The following ZNF618 variants were observed in gnomAD, a reference collection of about 807,000 sequenced individuals.
ZNF618 encodes neural precursor cell expressed, developmentally down-regulated 10.
Under a neutral mutation model 103.0 loss-of-function variants are expected in ZNF618, and 34 were observed. The ratio of observed to expected loss-of-function variants is 0.33; its 90% CI spans 0.25 to 0.44. The LOEUF is 0.44. Ranked by LOEUF, ZNF618 falls within the 20% of genes least tolerant of loss-of-function variation. The pLI, the probability that ZNF618 is intolerant of heterozygous loss-of-function variation, is 1.00. For synonymous variants in ZNF618, 551 were observed against 542.2 expected (o/e 1.02, Z -0.23); for missense variants, 1,059 against 1,295.4 (o/e 0.82, Z 2.80).
At chr9:114,000,778 C>G (rs1841119396) in intron 4 of ZNF618, among the ~76,000 whole-genome samples, 2 of 152,224 alleles carry the variant, frequency 1.3e-5, no homozygotes, top group Admixed American at 1.3e-4. Context: ...ACTCTTCATG[C>G]AAACTCAGTC....
rs557797088 is a variant in ZNF618 at position 113,924,936 on chromosome 9, G to A, written c.34-44181G>A. 7.9e-5 allele frequency among the ~76,000 whole-genome samples: 12 copies of A among 151,906 alleles called. No homozygotes were observed. The East Asian group carries it at 2.1e-3, about 27-fold the overall frequency. ...TAATCTCGTTAGGGTGCTCTTTTGG[G>A]CCTAAAATGTGACTATCTTGGTGAA... is the stretch of plus-strand genomic sequence containing the variant. On this transcript the variant is annotated intron_variant, in intron 1 of 14. Coordinates refer to ENST00000374126, the MANE Select transcript of ZNF618 (RefSeq NM_001318042.2).
intron 13 of ZNF618, among the ~76,000 whole-genome samples, chr9:114,044,579 A>G (rs576023542): frequency 6.6e-6 from 1 of 152,298 alleles, no homozygotes; most frequent in Non-Finnish European, 1.5e-5. Context: ...TCTGTGAAGA[A>G]TAATGATGTT....
intron 2 of ZNF618, among the ~76,000 whole-genome samples, chr9:113,974,751 C>T (rs2132968786): frequency 6.6e-6 from 1 of 152,256 alleles, no homozygotes; most frequent in South Asian, 2.1e-4. Flanking sequence ...GCACCCCCTG[C>T]CTGGTCTGTC....
At chr9:113,988,005 G>A (rs1839655585) in intron 2 of ZNF618, among the ~76,000 whole-genome samples, 1 of 152,178 alleles carries the variant, frequency 6.6e-6, no homozygotes, top group Admixed American at 6.5e-5. Flanking sequence ...GTTATGATAA[G>A]TGCAAACAAA....
intron 4 of ZNF618, among the ~76,000 whole-genome samples, chr9:114,000,270 T>C (rs540948278): frequency 6.6e-6 from 1 of 152,102 alleles, no homozygotes; most frequent in Admixed American, 6.5e-5. Context: ...CAGTCATGAA[T>C]TGTAGGAATC....
intron 1 of ZNF618, among the ~76,000 whole-genome samples, chr9:113,951,519 A>ATGTGTATATG (rs1564207782): frequency 2.2e-4 from 14 of 62,616 alleles, no homozygotes; most frequent in South Asian, 5.6e-4. Flanking sequence ...ATGTGTGTAT[A>ATGTGTATATG]TGTACACATA....
intron 1 of ZNF618, among the ~76,000 whole-genome samples, chr9:113,901,656 G>A (rs1158669108): frequency 6.6e-6 from 1 of 152,160 alleles, no homozygotes; most frequent in Non-Finnish European, 1.5e-5. Flanking sequence ...CAGGGGACAG[G>A]GTTATCACGG....
At chr9:113,939,381 T>C (rs760559181) in intron 1 of ZNF618, among the ~76,000 whole-genome samples, 1 of 152,164 alleles carries the variant, frequency 6.6e-6, no homozygotes, top group Non-Finnish European at 1.5e-5. Context: ...TGTAATTTAG[T>C]GCCATATTTT....
Position 114,054,504 on chromosome 9 carries a change from A to G in ZNF618, c.*4337A>G, listed in dbSNP as rs1846339468. ...AGGAGGGCTCCTAACAAGGCCGATG[A>G]TTTAGACAGAACAAGAGACTAAGTA... On this transcript the variant is annotated 3_prime_UTR_variant, in exon 15 of 15. Coordinates refer to ENST00000374126, the MANE Select transcript of ZNF618 (RefSeq NM_001318042.2). The G allele has an allele frequency of 6.6e-6, 1 of 152,550 alleles. No individual in the cohort carries two copies. 9.4% of individuals were successfully genotyped at this position (152,550 alleles called of 1,614,324 possible).
intron 10 of ZNF618, among the ~76,000 whole-genome samples, chr9:114,027,181 CAGAA>C (rs1300295339): frequency 6.6e-6 from 1 of 152,182 alleles, no homozygotes; most frequent in Non-Finnish European, 1.5e-5. Context: ...GCCCTCGGCT[CAGAA>C]AGAGAGACAG....
rs1364829192 is a variant in ZNF618, at chr9:114,008,388, T to C, written c.676+9T>C. On this transcript the variant is annotated intron_variant, in intron 8 of 14. Coordinates refer to ENST00000374126, the MANE Select transcript of ZNF618 (RefSeq NM_001318042.2). ...CCCTGAGAACCGGGCAGGTAAGTCC[T>C]TGGTGTCTGCTTGTCACCTCCCCTG... The C allele has an allele frequency of 1.2e-6, 2 of 1,613,968 alleles. No individual in the cohort carries two copies. The highest frequency in any genetic ancestry group is 2.2e-5 in the East Asian group (1 of 44,882).
At chr9:113,899,347 G>C (rs987276226) in intron 1 of ZNF618, among the ~76,000 whole-genome samples, 4 of 152,020 alleles carry the variant, frequency 2.6e-5, no homozygotes, top group African/African-American at 9.7e-5. Flanking sequence ...CTTTCTGTCT[G>C]TGTGACTTAG....
chr9:114,009,452 A>C (rs887146503), intron 9 of ZNF618, among the ~76,000 whole-genome samples: 5 of 152,082 alleles, frequency 3.3e-5, no homozygotes, highest in Non-Finnish European at 5.9e-5. Flanking sequence ...TCCAATTTGC[A>C]TTTTAGGAAG....
At chr9:113,884,242 A>G (rs1345226967) in intron 1 of ZNF618, among the ~76,000 whole-genome samples, 1 of 152,162 alleles carries the variant, frequency 6.6e-6, no homozygotes, top group African/African-American at 2.4e-5. Flanking sequence ...GACATTTCCA[A>G]GGGTAGAATG....
chr9:113,905,794 T>G (rs751208288), intron 1 of ZNF618, among the ~76,000 whole-genome samples: 7 of 152,196 alleles, frequency 4.6e-5, no homozygotes, highest in Non-Finnish European at 7.3e-5. Flanking sequence ...CCTTGCATGT[T>G]TCACCTTCCT....
intron 1 of ZNF618, among the ~76,000 whole-genome samples, chr9:113,910,482 C>T (rs767854147): frequency 2.0e-5 from 3 of 152,150 alleles, no homozygotes; most frequent in Admixed American, 6.5e-5. Context: ...GGCCTAATAA[C>T]GAGCGTGTTC....
chr9:114,042,170 A>G (rs1172097743), intron 13 of ZNF618, among the ~76,000 whole-genome samples: 1 of 152,236 alleles, frequency 6.6e-6, no homozygotes, highest in Non-Finnish European at 1.5e-5. Context: ...GGGAAAATGC[A>G]GAGAGGTTAG....
At chr9:114,039,655 A>T (rs1185463134) in intron 13 of ZNF618, among the ~76,000 whole-genome samples, 1 of 151,984 alleles carries the variant, frequency 6.6e-6, no homozygotes, top group Non-Finnish European at 1.5e-5. Context: ...CTAGCACCAC[A>T]CCTGGTTTCT....
At chr9:113,907,017 A>C (rs1831048922) in intron 1 of ZNF618, among the ~76,000 whole-genome samples, 1 of 152,196 alleles carries the variant, frequency 6.6e-6, no homozygotes, top group Non-Finnish European at 1.5e-5. Context: ...TTTCACCCCC[A>C]GTGGAGTAGT....
Sources: gnomAD v4.1 joint callset for allele counts (sites outside exome capture counted in the v4.1 genomes callset) on GRCh38, gnomAD v4.1.1 for gene constraint, MANE v1.5 for transcripts, NCBI Gene and HGNC (gene_info 2026-07-23, HGNC 2026-07-21) for gene names.